The following RICTOR variants were observed in gnomAD, a reference collection of about 807,000 sequenced individuals.
RICTOR encodes rapamycin-insensitive companion of mTOR.
A neutral mutation model predicts 214.9 loss-of-function variants in RICTOR; 49 were observed. The ratio of observed to expected loss-of-function variants is 0.23; its 90% CI spans 0.18 to 0.29. The LOEUF is 0.29. Ranked by LOEUF, RICTOR falls within the 10% of genes least tolerant of loss-of-function variation. The pLI, the probability that RICTOR is intolerant of heterozygous loss-of-function variation, is 1.00. For synonymous variants in RICTOR, 717 were observed against 711.3 expected (o/e 1.01, Z -0.13); for missense variants, 1,625 against 2,047.0 (o/e 0.79, Z 3.98).
chr5:38,970,634 A>G (rs1750700743), intron 11 of RICTOR: 1 of 152,206 alleles, frequency 6.6e-6, no homozygotes, highest in African/African-American at 2.4e-5. Flanking sequence ...GGTTTGGTTC[A>G]TATAAGGAAG....
intron 2 of RICTOR, among the ~76,000 whole-genome samples, chr5:39,050,993 A>C (rs1304943892): frequency 2.0e-5 from 3 of 152,180 alleles, no homozygotes; most frequent in Non-Finnish European, 2.9e-5. Flanking sequence ...TCACTGTGAG[A>C]ATAAAGACAT....
At position 38,980,211 on chromosome 5, in the gene RICTOR, T is replaced by C. The variant is rs575916341; in HGVS notation, c.754-1561A>G. ...TTAATGTCTTTTTCCTCTATCTGAA[T>C]CACCTGCAAGCATGTTTCTATGGAT... On this transcript the variant is annotated intron_variant, in intron 8 of 37. Transcript: ENST00000357387. Among the ~76,000 whole-genome samples, 25 of 152,300 alleles carry C rather than the reference T, an allele frequency of 1.6e-4. No individual in the cohort carries two copies. The Middle Eastern group carries it at 0.01, about 62-fold the overall frequency.
chr5:39,053,688 C>T (rs1297768304), intron 2 of RICTOR, among the ~76,000 whole-genome samples: 1 of 151,794 alleles, frequency 6.6e-6, no homozygotes, highest in Non-Finnish European at 1.5e-5. Context: ...GTCAGGAGAT[C>T]GAGACCATCC....
intron 3 of RICTOR, among the ~76,000 whole-genome samples, chr5:39,004,513 G>A (rs1753875626): frequency 6.6e-6 from 1 of 150,708 alleles, no homozygotes; most frequent in African/African-American, 2.4e-5. Context: ...AGGCTGGAGT[G>A]CAGTGGCCTG....
rs200524193 is a variant in RICTOR, at chr5:38,941,325, GT to G, written c.*978del. ...TTTCTCAATAACAAGCTTTATTAATGTTTTTTTTAAGGAAATATGGCTCTTC... is the reference window on the plus strand; with the variant it reads ...TTTCTCAATAACAAGCTTTATTAATGTTTTTTTAAGGAAATATGGCTCTTC... On this transcript the variant is annotated 3_prime_UTR_variant, in exon 38 of 38. Coordinates refer to ENST00000357387, the MANE Select transcript of RICTOR (RefSeq NM_152756.5). The G allele has an allele frequency of 2.3e-5, 2 of 87,808 alleles. No homozygotes were observed. Among genetic ancestry groups the G allele is most frequent in the African/African-American group, 8.7e-5 (2 of 23,080 alleles). 5.4% of individuals were successfully genotyped at this position (87,808 alleles called of 1,614,324 possible).
At chr5:39,035,667 C>T (rs1048464047) in intron 2 of RICTOR, among the ~76,000 whole-genome samples, 5 of 151,904 alleles carry the variant, frequency 3.3e-5, no homozygotes, top group African/African-American at 7.3e-5. Context: ...GAGAACGTGA[C>T]GAAGGCACAA....
intron 3 of RICTOR, among the ~76,000 whole-genome samples, chr5:39,004,948 A>C (rs910189339): frequency 2.6e-4 from 39 of 151,018 alleles, no homozygotes; most frequent in African/African-American, 8.5e-4. Context: ...CGCCCAGCTA[A>C]TTTTGTATTT....
At chr5:38,969,441 A>G (rs1750550701) in intron 11 of RICTOR, among the ~76,000 whole-genome samples, 1 of 152,080 alleles carries the variant, frequency 6.6e-6, no homozygotes, top group Admixed American at 6.5e-5. Context: ...AAATTTGAAA[A>G]TTATAAACTA....
At position 38,979,060 on chromosome 5, in the gene RICTOR, C is replaced by T. The variant is rs569708710; in HGVS notation, c.754-410G>A. Among the ~76,000 whole-genome samples the T allele has an allele frequency of 2.6e-5, 4 of 152,238 alleles. No individual in the cohort carries two copies. In the South Asian group the frequency reaches 8.3e-4, roughly 32 times the overall value. On this transcript the variant is annotated intron_variant, in intron 8 of 37. Coordinates refer to ENST00000357387, the MANE Select transcript of RICTOR (RefSeq NM_152756.5). ...TTTAAATAGTTCTATTAATGAACTG[C>T]ACGTTCCTTTTGTTGCTGGTATAAA...
At position 38,949,931 on chromosome 5, in the gene RICTOR, G is replaced by A. The variant is rs2112848446; in HGVS notation, c.3917C>T (p.Pro1306Leu). 1 of 1,613,420 alleles carries A rather than the reference G, an allele frequency of 6.2e-7. No individual in the cohort carries two copies. The change falls in exon 31 of 38, where the codon CCC becomes CTC. Residue 1306 changes from proline to leucine, a missense_variant. Pro to Leu is a moderately conservative substitution (Grantham distance 98, BLOSUM62 -3). Coordinates refer to ENST00000357387, the MANE Select transcript of RICTOR (RefSeq NM_152756.5). ...LPRRAQSLKA[P>L]SIATIKSLAD... ...TAGACTTTTAATTGTAGCAATAGAG[G>A]GTGCTTTAAGGGACTGTGCTCTTCT... is the stretch of plus-strand genomic sequence containing the variant.
In RICTOR at chr5:38,964,749, T is replaced by A. The variant is rs534651255; in HGVS notation, c.1400+43A>T. The A allele has an allele frequency of 1.4e-5, 14 of 986,154 alleles. No homozygotes were observed. In the South Asian group the frequency reaches 1.6e-4, roughly 11 times the overall value. The allele number at this position is 986,154 out of a possible 1,614,324, so 61.1% of individuals were successfully genotyped here. A position where few individuals can be genotyped will look rare whatever the true frequency, so the allele number is the denominator to read the frequency against. ...AAGAGACAATAATCTAATTTGATAT[T>A]AAATATATCAAACAAAAGCTTTGCT... On this transcript the variant is annotated intron_variant, in intron 16 of 37. Transcript: ENST00000357387.
intron 2 of RICTOR, among the ~76,000 whole-genome samples, chr5:39,048,911 G>GAAA (rs1757666507): frequency 6.6e-6 from 1 of 151,904 alleles, no homozygotes; most frequent in African/African-American, 2.4e-5. Flanking sequence ...TACATCCTAA[G>GAAA]AAAAAAGGTG....
intron 31 of RICTOR, among the ~76,000 whole-genome samples, chr5:38,948,655 T>A (rs1350931920): frequency 1.3e-5 from 2 of 152,100 alleles, no homozygotes; most frequent in Non-Finnish European, 2.9e-5. Flanking sequence ...TCAAAATTCA[T>A]GAACTTTACT....
At chr5:38,990,594 T>C (rs71588473) in intron 7 of RICTOR, among the ~76,000 whole-genome samples, 105,242 of 112,084 alleles carry the variant, frequency 0.94, 49,718 homozygotes, top group East Asian at 0.99. Context: ...ACATGATATA[T>C]ACGATATATA....
At chr5:38,952,644 A>G (rs191433422) in intron 29 of RICTOR, among the ~76,000 whole-genome samples, 14 of 152,096 alleles carry the variant, frequency 9.2e-5, no homozygotes, top group African/African-American at 3.4e-4. Context: ...AATTACAACA[A>G]AATAAAAAGA....
At chr5:38,990,752 A>C (rs71588476) in intron 7 of RICTOR, among the ~76,000 whole-genome samples, 197 bp downstream of exon 7, 12 of 52,594 alleles carry the variant, frequency 2.3e-4, no homozygotes, top group Non-Finnish European at 2.7e-4. Flanking sequence ...TATGAGATAT[A>C]TGATATATAT....
rs1479855546 is a variant in RICTOR at position 38,952,344 on chromosome 5, C to G, written c.2979G>C (p.Val993=). ...DILKCHNWDA[V]RHSRKHLWPV... Reference sequence around the variant, plus strand: ...GCCACAGATGTTTGCGACTATGCCTCACAGCATCCCAGTTGTGACATTTTA... The same window carrying G: ...GCCACAGATGTTTGCGACTATGCCTGACAGCATCCCAGTTGTGACATTTTA... Residue 993 remains valine (V), a synonymous_variant, in exon 30 of 38, where the codon GTG becomes GTC. Coordinates refer to ENST00000357387, the MANE Select transcript of RICTOR (RefSeq NM_152756.5). 6.2e-7 allele frequency: 1 copy of G among 1,613,038 alleles called. No homozygotes were observed. The highest frequency in any genetic ancestry group is 1.7e-5 in the Admixed American group (1 of 59,870).
At chr5:38,999,985 C>A (rs1031030285) in intron 5 of RICTOR, among the ~76,000 whole-genome samples, 1 of 151,868 alleles carries the variant, frequency 6.6e-6, no homozygotes, top group Non-Finnish European at 1.5e-5. Flanking sequence ...TATTAGATGA[C>A]ATGAACACTC....
intron 11 of RICTOR, 32 bp downstream of exon 11, chr5:38,971,845 G>C (rs760349978): frequency 1.1e-6 from 1 of 880,978 alleles, no homozygotes; most frequent in Non-Finnish European, 1.9e-6. Flanking sequence ...TAAAGGTCCA[G>C]GAATGAAACA....
Sources: gnomAD v4.1 joint callset for allele counts (sites outside exome capture counted in the v4.1 genomes callset) on GRCh38, gnomAD v4.1.1 for gene constraint, MANE v1.5 for transcripts, NCBI Gene and HGNC (gene_info 2026-07-23, HGNC 2026-07-21) for gene names.